Variants in SPECC1 observed in about 807,000 individuals in gnomAD.
The protein encoded by SPECC1 is sperm antigen with calponin homology and coiled-coil domains 1.
SPECC1 carries 62 observed loss-of-function variants against 104.1 expected under a neutral mutation model. The ratio of observed to expected loss-of-function variants is 0.60; its 90% CI spans 0.49 to 0.74. The LOEUF (loss-of-function observed/expected upper bound fraction) is 0.74, where lower values mean the gene tolerates loss of function less well. Ranked by LOEUF, SPECC1 falls within the 30% of genes least tolerant of loss-of-function variation. The probability of loss-of-function intolerance (pLI) is 0.00; values close to 1 mark genes in which losing one functional copy is unlikely to be tolerated. For synonymous variants in SPECC1, 513 were observed against 501.6 expected (o/e 1.02, Z -0.30); for missense variants, 1,306 against 1,310.5 (o/e 1.00, Z 0.05).
rs1395663581 is a variant in SPECC1 at position 20,314,482 on chromosome 17, C to T, written c.*417C>T. Reference sequence around the variant, plus strand: ...ATATCCCGGCTTTGCCTTTATGAAACCTTTGCCCTTGGCTGGGTGTGGTAG... The same window carrying T: ...ATATCCCGGCTTTGCCTTTATGAAATCTTTGCCCTTGGCTGGGTGTGGTAG... On this transcript the variant is annotated 3_prime_UTR_variant, in exon 15 of 15. Transcript: ENST00000395527. 1 of 307,762 alleles carries T rather than the reference C, an allele frequency of 3.2e-6. No homozygotes were observed. Among genetic ancestry groups the T allele is most frequent in the Non-Finnish European group, 6.3e-6 (1 of 159,938 alleles). 19.1% of individuals were successfully genotyped at this position (307,762 alleles called of 1,614,324 possible). A position where few individuals can be genotyped will look rare whatever the true frequency, so the allele number is the denominator to read the frequency against.
intron 1 of SPECC1, among the ~76,000 whole-genome samples, chr17:20,016,831 G>T (rs556628952): frequency 1.3e-5 from 2 of 152,396 alleles, no homozygotes; most frequent in South Asian, 4.1e-4. Context: ...GGGACTGGCA[G>T]GCAGCTCCAC....
chr17:20,094,279 GC>G (rs2152503120), intron 1 of SPECC1, among the ~76,000 whole-genome samples: 1 of 152,284 alleles, frequency 6.6e-6, no homozygotes, highest in Admixed American at 6.5e-5. Flanking sequence ...ACAAACATGG[GC>G]CTGGACAGTG....
At chr17:20,221,895 C>A (rs930433721) in intron 4 of SPECC1, among the ~76,000 whole-genome samples, 1 of 152,066 alleles carries the variant, frequency 6.6e-6, no homozygotes, top group Non-Finnish European at 1.5e-5. Context: ...CTTCATTGAC[C>A]CACTGGTCAT....
chr17:20,156,231 A>G (rs1567883815), intron 3 of SPECC1: 2 of 1,393,762 alleles, frequency 1.4e-6, no homozygotes. Context: ...GAGGATCCGG[A>G]ACCAGGTCTG....
intron 4 of SPECC1, among the ~76,000 whole-genome samples, chr17:20,209,215 G>C (rs749245093): frequency 3.3e-5 from 5 of 152,092 alleles, no homozygotes; most frequent in Non-Finnish European, 7.4e-5. Context: ...CCTTCAGCAG[G>C]TATCGGAGTA....
intron 7 of SPECC1, among the ~76,000 whole-genome samples, chr17:20,242,385 A>G (rs1376088262): frequency 6.6e-6 from 1 of 152,236 alleles, no homozygotes; most frequent in Non-Finnish European, 1.5e-5. Context: ...ACCGACATTC[A>G]GTGAGGAGGG....
intron 1 of SPECC1, among the ~76,000 whole-genome samples, chr17:20,061,931 A>G (rs2046197665): frequency 6.6e-6 from 1 of 152,082 alleles, no homozygotes; most frequent in African/African-American, 2.4e-5. Context: ...ATTATGTTTC[A>G]GATCCATAAA....
chr17:20,080,096 T>C (rs2046907739), intron 1 of SPECC1, among the ~76,000 whole-genome samples: 1 of 152,230 alleles, frequency 6.6e-6, no homozygotes, highest in African/African-American at 2.4e-5. Flanking sequence ...TATTAATGTA[T>C]CTTGAAAGGA....
intron 1 of SPECC1, among the ~76,000 whole-genome samples, chr17:20,011,536 G>A (rs1436038499): frequency 6.6e-6 from 1 of 150,884 alleles, no homozygotes; most frequent in Non-Finnish European, 1.5e-5. Flanking sequence ...GATCAGACTT[G>A]CTTAATGATT....
intron 4 of SPECC1, among the ~76,000 whole-genome samples, chr17:20,222,020 T>G (rs904508428): frequency 6.6e-6 from 1 of 151,350 alleles, no homozygotes; most frequent in Non-Finnish European, 1.5e-5. Context: ...ATTTCAGTTT[T>G]TTTTTTTTTT....
At chr17:20,106,261 T>C (rs565803852) in intron 2 of SPECC1, among the ~76,000 whole-genome samples, 57 of 152,310 alleles carry the variant, frequency 3.7e-4, no homozygotes, top group African/African-American at 1.3e-3. Context: ...TTTTTCTCTA[T>C]TGAGAAAAAG....
rs182638478 is a variant in SPECC1, at chr17:20,161,594, G to A, written c.284-42739G>A. Among the ~76,000 whole-genome samples the A allele has an allele frequency of 8.5e-5, 13 of 152,292 alleles. No individual in the cohort carries two copies. In the East Asian group the frequency reaches 1.7e-3, roughly 20 times the overall value. On this transcript the variant is annotated intron_variant, in intron 3 of 14. Transcript: ENST00000395527. ...AGTGGCATCTTACATTGCATAACGC[G>A]TGATCTGTGAAGACAGGAGGAAGGA...
intron 12 of SPECC1, among the ~76,000 whole-genome samples, chr17:20,279,362 G>GC (rs1363202308): frequency 1.8e-5 from 2 of 113,722 alleles, no homozygotes; most frequent in Non-Finnish European, 1.7e-5. Context: ...CTCCCTTGTT[G>GC]CCCAGGCTGG....
chr17:20,047,632 C>CT (rs1350132863), intron 1 of SPECC1, among the ~76,000 whole-genome samples: 1 of 152,022 alleles, frequency 6.6e-6, no homozygotes, highest in African/African-American at 2.4e-5. Flanking sequence ...GAGTCTCACT[C>CT]TGTCACCCAG....
intron 1 of SPECC1, among the ~76,000 whole-genome samples, chr17:20,093,340 C>T (rs1223162939): frequency 6.6e-6 from 1 of 152,166 alleles, no homozygotes; most frequent in Non-Finnish European, 1.5e-5. Context: ...GATGCCCTAC[C>T]TCCTAATACC....
intron 1 of SPECC1, among the ~76,000 whole-genome samples, chr17:20,086,738 G>T (rs956467543): frequency 5.9e-5 from 9 of 152,160 alleles, no homozygotes; most frequent in Non-Finnish European, 1.0e-4. Context: ...CGTTATGGAG[G>T]GTCCCTTTTT....
intron 3 of SPECC1, among the ~76,000 whole-genome samples, chr17:20,140,534 A>G (rs568154290): frequency 1.3e-5 from 2 of 152,322 alleles, no homozygotes; most frequent in East Asian, 3.8e-4. Flanking sequence ...TAGTTAATGT[A>G]CAAAGTTATG....
chr17:20,239,321 A>G (rs1479973507), intron 7 of SPECC1: 2 of 1,005,978 alleles, frequency 2.0e-6, no homozygotes, highest in East Asian at 6.8e-5. Flanking sequence ...CCTCAGTACC[A>G]CCTGTGAGGA....
intron 1 of SPECC1, among the ~76,000 whole-genome samples, chr17:20,055,203 C>T (rs1221007171): frequency 6.6e-6 from 1 of 151,430 alleles, no homozygotes; most frequent in Non-Finnish European, 1.5e-5. Context: ...CTATGACTGC[C>T]TTATTTCATT....
Sources: allele counts gnomAD v4.1 joint callset (sites outside exome capture counted in the v4.1 genomes callset), GRCh38; gene constraint gnomAD v4.1.1; transcripts MANE v1.5; gene names NCBI Gene and HGNC (gene_info 2026-07-23, HGNC 2026-07-21).